Variants in ZNF451 observed in about 807,000 individuals in gnomAD.
ZNF451 encodes the protein E3 SUMO-protein ligase ZNF451.
Under a neutral mutation model 107.1 loss-of-function variants are expected in ZNF451, and 80 were observed. That is an observed-to-expected ratio of 0.75 (90% CI 0.62 to 0.90). The LOEUF is 0.90. ZNF451 is among the 40% of genes least tolerant of loss of function. The probability of loss-of-function intolerance (pLI) is 0.00; values close to 1 mark genes in which losing one functional copy is unlikely to be tolerated. For synonymous variants in ZNF451, 362 were observed against 406.5 expected, an observed-to-expected ratio of 0.89 and a Z score of 1.32; for missense variants, 1,107 against 1,236.2, an observed-to-expected ratio of 0.90 and a Z score of 1.57.
At chr6:57,096,234 G>A (rs1430849123) in intron 2 of ZNF451, among the ~76,000 whole-genome samples, 2 of 134,622 alleles carry the variant, frequency 1.5e-5, no homozygotes, top group Non-Finnish European at 3.1e-5. Flanking sequence ...ACCCAGGCTG[G>A]AGTGCAGTGG....
chr6:57,123,626 C>T (rs1830751478), intron 3 of ZNF451, among the ~76,000 whole-genome samples: 1 of 151,752 alleles, frequency 6.6e-6, no homozygotes. Context: ...TGCAGTATAC[C>T]CTTGTAACAA....
intron 2 of ZNF451, among the ~76,000 whole-genome samples, chr6:57,093,232 C>T (rs529550323): frequency 9.9e-5 from 15 of 152,116 alleles, no homozygotes; most frequent in Non-Finnish European, 1.5e-4. Flanking sequence ...GGGAACCTAT[C>T]GTAATTTTGC....
At chr6:57,139,875 T>G (rs998182011) in intron 7 of ZNF451, among the ~76,000 whole-genome samples, 2 of 152,088 alleles carry the variant, frequency 1.3e-5, no homozygotes, top group Admixed American at 6.6e-5. Flanking sequence ...AGACCTTGCC[T>G]TTACAAAAAA....
At chr6:57,114,264 G>A (rs1276360066) in intron 3 of ZNF451, among the ~76,000 whole-genome samples, 1 of 152,180 alleles carries the variant, frequency 6.6e-6, no homozygotes, top group African/African-American at 2.4e-5. Context: ...TCAGGTCTAA[G>A]TGAGCTGAAT....
intron 3 of ZNF451, 29 bp downstream of exon 3, chr6:57,099,170 C>T (rs1829465877): frequency 1.3e-6 from 2 of 1,526,846 alleles, no homozygotes; most frequent in Non-Finnish European, 9.1e-7. Flanking sequence ...ATTTGTGTTT[C>T]TTCACTTGTG....
chr6:57,106,809 C>A, intron 3 of ZNF451: 1 of 985,028 alleles, frequency 1.0e-6, no homozygotes, highest in African/African-American at 1.7e-5. Flanking sequence ...ATAGTAGATA[C>A]ACAAACCAGT....
At chr6:57,096,174 C>CTTTT (rs1215991627) in intron 2 of ZNF451, among the ~76,000 whole-genome samples, 3 of 112,552 alleles carry the variant, frequency 2.7e-5, no homozygotes, top group Non-Finnish European at 3.7e-5. Flanking sequence ...TTCTTTCTTT[C>CTTTT]TGTTTTTTTT....
At chr6:57,112,754 CAGAG>C (rs1374117504) in intron 3 of ZNF451, among the ~76,000 whole-genome samples, 4 of 152,250 alleles carry the variant, frequency 2.6e-5, no homozygotes, top group East Asian at 1.9e-4. Context: ...TTCCATTTCA[CAGAG>C]AGGTCTAGTG....
chr6:57,104,185 G>C lies in ZNF451; in HGVS notation c.186+5044G>C, dbSNP rs963497052. The C allele has an allele frequency of 3.0e-6, 3 of 985,236 alleles. No homozygotes were observed. In the African/African-American group the frequency reaches 5.2e-5, roughly 17 times the overall value. 61.0% of individuals were successfully genotyped at this position (985,236 alleles called of 1,614,324 possible). ...AAAGTGTCTTTCAAACTAAACTCTA[G>C]AAGAATATCGATTACCTGAACAGAA... On this transcript the variant is annotated intron_variant, in intron 3 of 14. Transcript: ENST00000370706.
At chr6:57,135,390 A>G (rs1279832252) in intron 7 of ZNF451, among the ~76,000 whole-genome samples, 1 of 152,172 alleles carries the variant, frequency 6.6e-6, no homozygotes, top group Non-Finnish European at 1.5e-5. Context: ...ACCATATTTG[A>G]TAGTAGATAA....
At chr6:57,138,089 C>A (rs775227336) in intron 7 of ZNF451, among the ~76,000 whole-genome samples, 1 of 152,112 alleles carries the variant, frequency 6.6e-6, no homozygotes, top group Non-Finnish European at 1.5e-5. Flanking sequence ...TGTAAAAATA[C>A]GTTTTAATTC....
intron 14 of ZNF451, chr6:57,165,353 A>G (rs1244365343): frequency 1.3e-5 from 2 of 152,134 alleles, no homozygotes; most frequent in Non-Finnish European, 2.9e-5. Context: ...CCTGTAATGC[A>G]TATGTTAGTT....
chr6:57,157,972 G>A (rs1166078846), intron 13 of ZNF451, among the ~76,000 whole-genome samples: 1 of 152,232 alleles, frequency 6.6e-6, no homozygotes, highest in African/African-American at 2.4e-5. Context: ...TGTTTGTAGT[G>A]TTTACAGATG....
intron 9 of ZNF451, among the ~76,000 whole-genome samples, chr6:57,143,464 T>C (rs1311957392): frequency 2.6e-5 from 4 of 152,206 alleles, no homozygotes; most frequent in Admixed American, 2.0e-4. Flanking sequence ...CTTTAAACTT[T>C]GAGTTTAATT....
chr6:57,113,746 C>T (rs1331583729), intron 3 of ZNF451, among the ~76,000 whole-genome samples: 1 of 151,738 alleles, frequency 6.6e-6, no homozygotes. Flanking sequence ...CACAGCCTCC[C>T]GAGTAGCTGG....
At chr6:57,110,727 G>A (rs1015232391) in intron 3 of ZNF451, among the ~76,000 whole-genome samples, 1 of 152,056 alleles carries the variant, frequency 6.6e-6, no homozygotes, top group Non-Finnish European at 1.5e-5. Context: ...GCATTTGGAG[G>A]TGTTGTATTG....
At chr6:57,091,437 T>A (rs1185560352) in intron 2 of ZNF451, 2 of 143,232 alleles carry the variant, frequency 1.4e-5, no homozygotes, top group Non-Finnish European at 3.0e-5. Context: ...TTTGAGACAG[T>A]AGTTTTCAAG....
At position 57,150,920 on chromosome 6, in the gene ZNF451, A is replaced by G. The variant is rs1220223489; in HGVS notation, c.2752+58A>G. The G allele has an allele frequency of 3.1e-6, 5 of 1,591,192 alleles. No individual in the cohort carries two copies. The Admixed American group carries it at 8.7e-5, about 28-fold the overall frequency. ...TTTCCCACCTCTTAGAATATAGTTC[A>G]GTTTAAAAGGCTCCTCTTAAACCTT... is the stretch of plus-strand genomic sequence containing the variant. On this transcript the variant is annotated intron_variant, in intron 11 of 14. Coordinates refer to ENST00000370706, the MANE Select transcript of ZNF451 (RefSeq NM_001031623.3).
At chr6:57,106,249 G>A in intron 3 of ZNF451, 1 of 984,568 alleles carries the variant, frequency 1.0e-6, no homozygotes, top group Middle Eastern at 5.2e-4. Flanking sequence ...TCTGATGAAG[G>A]TTTGAAATTA....
Sources: allele counts gnomAD v4.1 joint callset (sites outside exome capture counted in the v4.1 genomes callset), GRCh38; gene constraint gnomAD v4.1.1; transcripts MANE v1.5; gene names NCBI Gene and HGNC (gene_info 2026-07-23, HGNC 2026-07-21).